SYT1: variants seen among roughly 807,000 people sequenced by gnomAD.
The protein encoded by SYT1 is synaptotagmin-1.
SYT1 carries 8 observed loss-of-function variants against 44.8 expected under a neutral mutation model. The observed-to-expected ratio is 0.18, with a 90% CI of 0.10 to 0.32. The LOEUF is 0.32. SYT1 is among the 10% of genes least tolerant of loss of function. The probability of loss-of-function intolerance (pLI) is 1.00; values close to 1 mark genes in which losing one functional copy is unlikely to be tolerated. For synonymous variants in SYT1, 154 were observed against 188.8 expected (o/e 0.82, Z 1.51); for missense variants, 286 against 509.3 (o/e 0.56, Z 4.22).
chr12:79,435,577 T>C (rs908795602), intron 9 of SYT1, among the ~76,000 whole-genome samples: 29 of 152,182 alleles, frequency 1.9e-4, no homozygotes, highest in Admixed American at 4.6e-4. Flanking sequence ...CCCAGGATCT[T>C]CCTATCTTGT....
intron 1 of SYT1, among the ~76,000 whole-genome samples, chr12:78,898,206 G>A (rs566500969): frequency 3.3e-5 from 5 of 152,092 alleles, no homozygotes; most frequent in Admixed American, 1.3e-4. Flanking sequence ...AATAAGACTA[G>A]CACTGCCTCA....
intron 3 of SYT1, among the ~76,000 whole-genome samples, chr12:79,105,809 G>A (rs1878684348): frequency 6.6e-6 from 1 of 152,066 alleles, no homozygotes; most frequent in African/African-American, 2.4e-5. Context: ...GAACCCGGGA[G>A]GCGGAGCTTG....
chr12:79,216,850 A>G (rs1395836301), intron 3 of SYT1, among the ~76,000 whole-genome samples: 1 of 152,204 alleles, frequency 6.6e-6, no homozygotes, highest in Non-Finnish European at 1.5e-5. Context: ...ATTTATAGTG[A>G]CTTAAATAAT....
intron 4 of SYT1, among the ~76,000 whole-genome samples, chr12:79,272,772 G>C (rs1208337794): frequency 6.6e-6 from 1 of 152,196 alleles, no homozygotes; most frequent in Non-Finnish European, 1.5e-5. Context: ...CTTGAGAATA[G>C]AAAGGGAAGG....
At chr12:79,197,435 A>G (rs923783527) in intron 3 of SYT1, among the ~76,000 whole-genome samples, 2 of 152,190 alleles carry the variant, frequency 1.3e-5, no homozygotes, top group African/African-American at 4.8e-5. Flanking sequence ...GTGAGCTCAA[A>G]GCTATGTCTC....
chr12:79,250,899 G>A (rs1877171135), intron 4 of SYT1, among the ~76,000 whole-genome samples: 1 of 152,092 alleles, frequency 6.6e-6, no homozygotes, highest in African/African-American at 2.4e-5. Flanking sequence ...TCTTAGGCAG[G>A]TGTCCTCTAC....
intron 2 of SYT1, among the ~76,000 whole-genome samples, chr12:79,030,313 T>C (rs1872753932): frequency 6.6e-6 from 1 of 150,982 alleles, no homozygotes; most frequent in South Asian, 2.1e-4. Context: ...TTTTCAGTCT[T>C]CTTTCTCTCT....
intron 1 of SYT1, among the ~76,000 whole-genome samples, chr12:78,890,376 C>T (rs1212891264): frequency 6.6e-6 from 1 of 151,746 alleles, no homozygotes; most frequent in African/African-American, 2.4e-5. Flanking sequence ...ACATCACACA[C>T]TGGGGCCTGT....
At chr12:79,125,013 T>C (rs1307311944) in intron 3 of SYT1, among the ~76,000 whole-genome samples, 1 of 151,960 alleles carries the variant, frequency 6.6e-6, no homozygotes, top group Non-Finnish European at 1.5e-5. Context: ...TCTGCTCTTG[T>C]GGGTTTTGTT....
At chr12:79,406,454 G>A (rs1253629550) in intron 9 of SYT1, among the ~76,000 whole-genome samples, 1 of 152,146 alleles carries the variant, frequency 6.6e-6, no homozygotes, top group East Asian at 1.9e-4. Context: ...CAGCAGAAAT[G>A]AACCTTAACT....
chr12:79,111,354 C>T (rs1436469112), intron 3 of SYT1, among the ~76,000 whole-genome samples: 5 of 152,136 alleles, frequency 3.3e-5, no homozygotes, highest in East Asian at 3.9e-4. Flanking sequence ...TCTTTCTCTT[C>T]CTGGAACACC....
intron 8 of SYT1, among the ~76,000 whole-genome samples, chr12:79,329,503 G>C (rs531257676): frequency 6.6e-5 from 10 of 152,320 alleles, no homozygotes; most frequent in African/African-American, 2.4e-4. Context: ...GAATGCTACT[G>C]TACTTGAATA....
chr12:79,087,232 A>G (rs1299888509), intron 3 of SYT1, among the ~76,000 whole-genome samples: 1 of 152,132 alleles, frequency 6.6e-6, no homozygotes, highest in Non-Finnish European at 1.5e-5. Flanking sequence ...CTTTCATTGC[A>G]AATGGAACTT....
rs568467761 is a variant in SYT1, at chr12:79,059,246, G to C, written c.-18+11884G>C. ...TCCCATTGGGTCTCTCCCACAACAG[G>C]TGGGAATTATGGGAGCTACAATTCA... On this transcript the variant is annotated intron_variant, in intron 3 of 10. Transcript: ENST00000261205. Among the ~76,000 whole-genome samples, 5 of 152,158 alleles carry C rather than the reference G, an allele frequency of 3.3e-5. No individual in the cohort carries two copies. The South Asian group carries it at 1.0e-3, about 32-fold the overall frequency.
intron 9 of SYT1, among the ~76,000 whole-genome samples, chr12:79,429,417 C>G (rs1169286548): frequency 6.6e-6 from 1 of 151,876 alleles, no homozygotes; most frequent in Non-Finnish European, 1.5e-5. Context: ...CCATGTTGAC[C>G]AGGCTGGTCT....
At chr12:79,130,088 A>C (rs991749218) in intron 3 of SYT1, among the ~76,000 whole-genome samples, 1 of 152,192 alleles carries the variant, frequency 6.6e-6, no homozygotes, top group African/African-American at 2.4e-5. Context: ...AAATTTGCTA[A>C]GTTTCAGCAG....
At chr12:78,915,699 T>A (rs951140420) in intron 1 of SYT1, among the ~76,000 whole-genome samples, 1 of 152,078 alleles carries the variant, frequency 6.6e-6, no homozygotes, top group Non-Finnish European at 1.5e-5. Context: ...TTTCTTTTTT[T>A]TCTATTTATT....
intron 9 of SYT1, among the ~76,000 whole-genome samples, chr12:79,379,669 G>C (rs906431668): frequency 2.0e-5 from 3 of 151,854 alleles, no homozygotes; most frequent in Admixed American, 6.6e-5. Flanking sequence ...TGTAGTAATC[G>C]TGTATATGTT....
intron 2 of SYT1, among the ~76,000 whole-genome samples, chr12:79,034,122 A>T (rs1391642570): frequency 6.6e-6 from 1 of 151,560 alleles, no homozygotes; most frequent in African/African-American, 2.4e-5. Context: ...TTTAAATATA[A>T]GAATCATGCT....
Sources: allele counts gnomAD v4.1 joint callset (sites outside exome capture counted in the v4.1 genomes callset), GRCh38; gene constraint gnomAD v4.1.1; transcripts MANE v1.5; gene names NCBI Gene and HGNC (gene_info 2026-07-23, HGNC 2026-07-21).